Variants in SENP7 observed in about 807,000 individuals in gnomAD.
SENP7 encodes sentrin-specific protease 7.
Under a neutral mutation model 141.2 loss-of-function variants are expected in SENP7, and 64 were observed. That is an observed-to-expected ratio of 0.45 (90% CI 0.37 to 0.56). The LOEUF is 0.56. Ranked by LOEUF, SENP7 falls within the 20% of genes least tolerant of loss-of-function variation. The probability of loss-of-function intolerance (pLI) is 0.00; values close to 1 mark genes in which losing one functional copy is unlikely to be tolerated. For missense variants in SENP7, 1,025 were observed against 1,212.2 expected (o/e 0.85, Z 2.29); for synonymous variants, 382 against 426.4 (o/e 0.90, Z 1.28).
At chr3:101,432,500 T>G (rs1051840354) in intron 4 of SENP7, among the ~76,000 whole-genome samples, 2 of 152,212 alleles carry the variant, frequency 1.3e-5, no homozygotes, top group Non-Finnish European at 2.9e-5. Flanking sequence ...CAGGCTGTGC[T>G]GGCTTCAGGT....
chr3:101,489,163 GA>G (rs774926684), intron 3 of SENP7, among the ~76,000 whole-genome samples: 28 of 152,130 alleles, frequency 1.8e-4, no homozygotes, highest in Non-Finnish European at 3.7e-4. Context: ...GTCCTTAAGG[GA>G]GTACTAAACA....
intron 1 of SENP7, among the ~76,000 whole-genome samples, chr3:101,507,012 G>T (rs2065646865): frequency 6.8e-6 from 1 of 147,786 alleles, no homozygotes; most frequent in Admixed American, 6.9e-5. Context: ...ATTGAGCTAT[G>T]ATCGTGCCAC....
chr3:101,402,023 T>C (rs1189685795), intron 5 of SENP7, among the ~76,000 whole-genome samples: 1 of 147,884 alleles, frequency 6.8e-6, no homozygotes, highest in Non-Finnish European at 1.5e-5. Flanking sequence ...AAAAAAACTA[T>C]CTCCATAACA....
At chr3:101,356,856 CTG>C (rs2059756078) in intron 11 of SENP7, among the ~76,000 whole-genome samples, 1 of 152,146 alleles carries the variant, frequency 6.6e-6, no homozygotes. Context: ...GCAATAAGAT[CTG>C]TGATACAAGT....
At chr3:101,450,954 T>C (rs917691504) in intron 4 of SENP7, among the ~76,000 whole-genome samples, 10 of 151,912 alleles carry the variant, frequency 6.6e-5, no homozygotes, top group East Asian at 1.9e-4. Flanking sequence ...ATCAACAAAA[T>C]TGATAGACCA....
intron 9 of SENP7, among the ~76,000 whole-genome samples, chr3:101,365,950 T>C (rs2060028149): frequency 6.6e-6 from 1 of 152,174 alleles, no homozygotes; most frequent in African/African-American, 2.4e-5. Flanking sequence ...CATGAATTGC[T>C]TCAAGGAATG....
At chr3:101,447,777 A>G (rs1398697301) in intron 4 of SENP7, among the ~76,000 whole-genome samples, 4 of 141,930 alleles carry the variant, frequency 2.8e-5, no homozygotes, top group Admixed American at 1.4e-4. Flanking sequence ...AACAGCTCCA[A>G]AAAATCTTGA....
At chr3:101,435,542 C>G (rs1234806129) in intron 4 of SENP7, among the ~76,000 whole-genome samples, 1 of 152,028 alleles carries the variant, frequency 6.6e-6, no homozygotes, top group Admixed American at 6.6e-5. Context: ...AACCTACAGA[C>G]TCCATGAAAA....
intron 4 of SENP7, among the ~76,000 whole-genome samples, chr3:101,430,099 T>C (rs1448163770): frequency 6.6e-6 from 1 of 152,216 alleles, no homozygotes; most frequent in Non-Finnish European, 1.5e-5. Flanking sequence ...CCATATTTTA[T>C]TGAGGATTTT....
chr3:101,324,442 T>C lies in SENP7; in HGVS notation c.*1501A>G, dbSNP rs1458982539. 3 of 152,038 alleles carry C rather than the reference T, an allele frequency of 2.0e-5. No individual in the cohort carries two copies. The highest frequency in any genetic ancestry group is 6.6e-5 in the Admixed American group (1 of 15,230). 9.4% of individuals were successfully genotyped at this position (152,038 alleles called of 1,614,324 possible). ...CATTAAGAAATCACAAGATGTCTTA[T>C]AGACTTGCTTTCCCAAAATTAGATG... On this transcript the variant is annotated 3_prime_UTR_variant, in exon 24 of 24. Transcript: ENST00000394095.
chr3:101,364,071 T>G (rs2059970925), intron 10 of SENP7, among the ~76,000 whole-genome samples: 1 of 151,922 alleles, frequency 6.6e-6, no homozygotes. Context: ...GTATATATTT[T>G]AAAAACATTA....
At chr3:101,469,345 G>A (rs997652651) in intron 3 of SENP7, among the ~76,000 whole-genome samples, 5 of 152,046 alleles carry the variant, frequency 3.3e-5, no homozygotes, top group South Asian at 2.1e-4. Context: ...ACAGATAAAC[G>A]AGACAGATGG....
chr3:101,476,498 T>C (rs535169407), intron 3 of SENP7, among the ~76,000 whole-genome samples: 2 of 152,356 alleles, frequency 1.3e-5, no homozygotes, highest in East Asian at 1.9e-4. Flanking sequence ...CAGTCTATCA[T>C]TGATGGGCAT....
chr3:101,340,607 T>C (rs908822943), intron 15 of SENP7, among the ~76,000 whole-genome samples: 1 of 152,216 alleles, frequency 6.6e-6, no homozygotes, highest in Non-Finnish European at 1.5e-5. Context: ...GTTTGAATCC[T>C]CAAGACTAGT....
At chr3:101,392,489 T>C (rs913582762) in intron 6 of SENP7, among the ~76,000 whole-genome samples, 3 of 151,800 alleles carry the variant, frequency 2.0e-5, no homozygotes, top group Non-Finnish European at 2.9e-5. Flanking sequence ...AACCATAGAG[T>C]TGAAAGATCT....
chr3:101,423,528 G>A (rs1267461491), intron 4 of SENP7, among the ~76,000 whole-genome samples: 3 of 152,104 alleles, frequency 2.0e-5, no homozygotes, highest in Non-Finnish European at 4.4e-5. Context: ...CCTACCATAT[G>A]ACCCAGCAAT....
At chr3:101,476,411 C>T (rs1328885257) in intron 3 of SENP7, among the ~76,000 whole-genome samples, 2 of 152,098 alleles carry the variant, frequency 1.3e-5, no homozygotes, top group East Asian at 3.9e-4. Context: ...CATCCATGTC[C>T]CTGCAAAGGA....
At chr3:101,490,906 C>G (rs1324170382) in intron 3 of SENP7, among the ~76,000 whole-genome samples, 2 of 152,148 alleles carry the variant, frequency 1.3e-5, no homozygotes, top group Admixed American at 1.3e-4. Flanking sequence ...AAGCCAACCA[C>G]AGAGCACAGT....
chr3:101,330,449 A>C (rs994537436), intron 19 of SENP7, 63 bp from the exon 20 acceptor site: 1 of 1,099,002 alleles, frequency 9.1e-7, no homozygotes, highest in African/African-American at 1.6e-5. Flanking sequence ...GGTAACTTAG[A>C]AAAGCTTAAA....
Sources: gnomAD v4.1 joint callset for allele counts (sites outside exome capture counted in the v4.1 genomes callset) on GRCh38, gnomAD v4.1.1 for gene constraint, MANE v1.5 for transcripts, NCBI Gene and HGNC (gene_info 2026-07-23, HGNC 2026-07-21) for gene names.